The following TMEM178A variants were observed in gnomAD, a reference collection of about 807,000 sequenced individuals.
TMEM178A encodes the protein transmembrane protein 178.
TMEM178A carries 12 observed loss-of-function variants against 29.1 expected under a neutral mutation model. The ratio of observed to expected loss-of-function variants is 0.41; its 90% CI spans 0.26 to 0.67. The LOEUF (loss-of-function observed/expected upper bound fraction) is 0.67, where lower values mean the gene tolerates loss of function less well. TMEM178A is among the 30% of genes least tolerant of loss of function. The pLI, the probability that TMEM178A is intolerant of heterozygous loss-of-function variation, is 0.29. For synonymous variants in TMEM178A, 210 were observed against 187.2 expected, an observed-to-expected ratio of 1.12 and a Z score of -0.99; for missense variants, 366 against 419.1, an observed-to-expected ratio of 0.87 and a Z score of 1.11.
At chr2:39,711,585 G>A (rs963634273) in intron 3 of TMEM178A, among the ~76,000 whole-genome samples, 5 of 152,096 alleles carry the variant, frequency 3.3e-5, no homozygotes, top group Non-Finnish European at 5.9e-5. Flanking sequence ...CCCTAGCAGA[G>A]CTCCAGGGAC....
chr2:39,730,824 T>C, the TMEM178A span, among the ~76,000 whole-genome samples: 12 of 152,346 alleles, frequency 7.9e-5, no homozygotes, highest in South Asian at 1.5e-3. Context: ...TTAGGAGTGA[T>C]ATAGTAACAG....
intron 3 of TMEM178A, among the ~76,000 whole-genome samples, chr2:39,713,401 T>C (rs555986278): frequency 6.6e-6 from 1 of 152,352 alleles, no homozygotes; most frequent in Non-Finnish European, 1.5e-5. Context: ...GGCTGAGTTG[T>C]GTCCCCTCAA....
intron 1 of TMEM178A, among the ~76,000 whole-genome samples, chr2:39,684,795 A>G (rs73927022): frequency 0.016 from 2,454 of 151,944 alleles, 69 homozygotes; most frequent in African/African-American, 0.056. Flanking sequence ...GCAATACTGA[A>G]CCTCCTGTCA....
intron 3 of TMEM178A, among the ~76,000 whole-genome samples, chr2:39,713,643 C>T (rs1209718071): frequency 8.5e-5 from 13 of 152,206 alleles, no homozygotes; most frequent in Non-Finnish European, 1.9e-4. Context: ...ACCCCGCTGA[C>T]ACCTTGATCT....
intron 1 of TMEM178A, 95 bp from the exon 2 acceptor site, chr2:39,703,986 T>A: frequency 1.1e-6 from 1 of 922,456 alleles, no homozygotes; most frequent in Non-Finnish European, 1.7e-6. Flanking sequence ...CCATCTCCCA[T>A]TCAACCCAGG....
intron 2 of TMEM178A, among the ~76,000 whole-genome samples, chr2:39,705,599 C>A (rs777563285): frequency 6.6e-6 from 1 of 152,182 alleles, no homozygotes; most frequent in Non-Finnish European, 1.5e-5. Flanking sequence ...GAAATACTCT[C>A]TTTTAATTTG....
rs140300615 is a variant in TMEM178A, at chr2:39,707,567, G to A, written c.652+381G>A. Among the ~76,000 whole-genome samples, 742 of 152,268 alleles carry A rather than the reference G, an allele frequency of 4.9e-3. 10 individuals carry two copies. Among genetic ancestry groups the A allele is most frequent in the African/African-American group, 0.017 (710 of 41,556 alleles). ...CCCCACTGCAACCTCTGTCTCCTGG[G>A]TTCAAGTGATTCTCCTGCCTCAGCC... On this transcript the variant is annotated intron_variant, in intron 3 of 3. Transcript: ENST00000281961.
At chr2:39,733,556 G>T in the TMEM178A span, among the ~76,000 whole-genome samples, 3 of 152,132 alleles carry the variant, frequency 2.0e-5, no homozygotes. Flanking sequence ...TTTATGCCTA[G>T]TCTATCAAGG....
chr2:39,724,668 A>G, the TMEM178A span, among the ~76,000 whole-genome samples: 1 of 152,134 alleles, frequency 6.6e-6, no homozygotes. Context: ...ACACCCCATA[A>G]CCAAACCAAA....
chr2:39,701,031 G>C (rs1026158561), intron 1 of TMEM178A, among the ~76,000 whole-genome samples: 1 of 151,982 alleles, frequency 6.6e-6, no homozygotes, highest in Non-Finnish European at 1.5e-5. Flanking sequence ...CTGATCAACA[G>C]AGATTTATAA....
At chr2:39,712,180 A>C (rs968883931) in intron 3 of TMEM178A, among the ~76,000 whole-genome samples, 3 of 152,124 alleles carry the variant, frequency 2.0e-5, no homozygotes, top group Non-Finnish European at 4.4e-5. Context: ...CATTTGAAGG[A>C]AGACCAAAGA....
At chr2:39,695,647 C>G (rs1671508203) in intron 1 of TMEM178A, among the ~76,000 whole-genome samples, 1 of 151,666 alleles carries the variant, frequency 6.6e-6, no homozygotes, top group Admixed American at 6.6e-5. Flanking sequence ...AGGGAAGTAG[C>G]CCCTGGGAAC....
chr2:39,719,367 G>C (rs577038500), downstream of TMEM178A, among the ~76,000 whole-genome samples: 2 of 152,278 alleles, frequency 1.3e-5, no homozygotes, highest in Admixed American at 1.3e-4. Context: ...AGAAAGCCTC[G>C]CGGTAGCAGG....
At chr2:39,729,481 C>T in the TMEM178A span, among the ~76,000 whole-genome samples, 1 of 152,198 alleles carries the variant, frequency 6.6e-6, no homozygotes, top group Admixed American at 6.5e-5. Context: ...TACGATAATT[C>T]ACCACTTTGA....
At chr2:39,678,883 C>T (rs17024139) in intron 1 of TMEM178A, among the ~76,000 whole-genome samples, 6,371 of 152,230 alleles carry the variant, frequency 0.042, 385 homozygotes, top group African/African-American at 0.13. Context: ...CATGCACTTT[C>T]GTATCTCTGT....
At chr2:39,727,163 C>T in the TMEM178A span, among the ~76,000 whole-genome samples, 1 of 152,148 alleles carries the variant, frequency 6.6e-6, no homozygotes, top group Admixed American at 6.5e-5. Flanking sequence ...CTCAGAAGCC[C>T]GGACTTCTGG....
rs1672236623 is a variant in TMEM178A, at chr2:39,710,014, A to G, written c.652+2828A>G. On this transcript the variant is annotated intron_variant, in intron 3 of 3. Transcript: ENST00000281961. The stretch of plus-strand genomic sequence containing the variant: ...TGAAGGTTCAATGGCAGGTGGGCAC[A>G]GAGGAGAGGCAGTAGTTTCCTGGGC... 2.0e-5 allele frequency among the ~76,000 whole-genome samples: 3 copies of G among 152,320 alleles called. No individual in the cohort carries two copies. In the South Asian group the frequency reaches 6.2e-4, roughly 32 times the overall value.
In TMEM178A at chr2:39,707,035, T is replaced by C; in HGVS notation, c.515-14T>C. 2 of 1,591,414 alleles carry C rather than the reference T, an allele frequency of 1.3e-6. No homozygotes were observed. Among genetic ancestry groups the C allele is most frequent in the East Asian group, 4.5e-5 (2 of 44,744 alleles). On this transcript the variant is annotated splice_polypyrimidine_tract_variant and intron_variant, in intron 2 of 3. Coordinates refer to ENST00000281961, the MANE Select transcript of TMEM178A (RefSeq NM_152390.3). The stretch of plus-strand genomic sequence containing the variant: ...AATTCTGATTGTGAATGTCTGTGTC[T>C]GTTTTGAGATTAGATTTAAGAAGAA...
chr2:39,730,293 C>A, the TMEM178A span, among the ~76,000 whole-genome samples: 1 of 152,122 alleles, frequency 6.6e-6, no homozygotes, highest in African/African-American at 2.4e-5. Flanking sequence ...CAATGAGCAG[C>A]TGGGAATTTG....
Sources: allele counts gnomAD v4.1 joint callset (sites outside exome capture counted in the v4.1 genomes callset), GRCh38; gene constraint gnomAD v4.1.1; transcripts MANE v1.5; gene names NCBI Gene and HGNC (gene_info 2026-07-23, HGNC 2026-07-21).